Variants in ROBO1 observed in about 807,000 individuals in gnomAD.
ROBO1 encodes the protein roundabout homolog 1.
Under a neutral mutation model 195.9 loss-of-function variants are expected in ROBO1, and 149 were observed. The observed-to-expected ratio is 0.76, with a 90% CI of 0.67 to 0.87. The LOEUF (loss-of-function observed/expected upper bound fraction) is 0.87. Ranked by LOEUF, ROBO1 falls within the 40% of genes least tolerant of loss-of-function variation. The pLI, the probability that ROBO1 is intolerant of heterozygous loss-of-function variation, is 0.00. For missense variants in ROBO1, 1,933 were observed against 2,068.3 expected (o/e 0.93, Z 1.27); for synonymous variants, 816 against 733.2 (o/e 1.11, Z -1.82).
At chr3:78,824,494 G>T (rs1376203337) in intron 4 of ROBO1, among the ~76,000 whole-genome samples, 2 of 152,096 alleles carry the variant, frequency 1.3e-5, no homozygotes, top group African/African-American at 4.8e-5. Context: ...TATTTGTCAT[G>T]CTAAATGGCA....
At position 78,713,489 on chromosome 3, in the gene ROBO1, A is replaced by AT. The variant is rs563115681; in HGVS notation, c.1045+907dup. ...TACTATATATACTGTCAAAACAGGA[A>AT]TTTTTTTTCCAACCAATAAAATGTT... is the stretch of plus-strand genomic sequence containing the variant. On this transcript the variant is annotated intron_variant, in intron 8 of 30. Transcript: ENST00000464233. Among the ~76,000 whole-genome samples, 164 of 152,142 alleles carry AT rather than the reference A, an allele frequency of 1.1e-3. 1 individual carries two copies. Among genetic ancestry groups the AT allele is most frequent in the African/African-American group, 3.7e-3 (154 of 41,518 alleles).
intron 10 of ROBO1, among the ~76,000 whole-genome samples, chr3:78,675,524 T>A (rs929911690): frequency 2.0e-4 from 30 of 152,152 alleles, no homozygotes; most frequent in Non-Finnish European, 4.3e-4. Flanking sequence ...TATCCCGCAC[T>A]TGGCTCGGAG....
chr3:79,181,095 G>A (rs2108730694), intron 2 of ROBO1, among the ~76,000 whole-genome samples: 1 of 152,166 alleles, frequency 6.6e-6, no homozygotes, highest in East Asian at 1.9e-4. Flanking sequence ...GTCTCTCATA[G>A]TCTTCTCCTA....
At chr3:79,588,260 C>T (rs976415979) in intron 2 of ROBO1, among the ~76,000 whole-genome samples, 2 of 151,674 alleles carry the variant, frequency 1.3e-5, no homozygotes, top group African/African-American at 2.4e-5. Flanking sequence ...TAAAATTATG[C>T]AATATCCTTT....
intron 8 of ROBO1, among the ~76,000 whole-genome samples, chr3:78,713,449 G>A: frequency 6.6e-6 from 1 of 151,948 alleles, no homozygotes; most frequent in Admixed American, 6.6e-5. Context: ...ATGGTTTATG[G>A]CCAGAACTTC....
rs1395689937 is a variant in ROBO1, at chr3:79,225,343, A to T, written c.89-99804T>A. 2.0e-5 allele frequency among the ~76,000 whole-genome samples: 3 copies of T among 152,196 alleles called. No homozygotes were observed. The East Asian group carries it at 5.8e-4, about 29-fold the overall frequency. On this transcript the variant is annotated intron_variant, in intron 2 of 30. Transcript: ENST00000464233. Reference sequence around the variant, plus strand: ...TTAGTCTTACTTAGATGACTCTAAAAGGATGGAAAATACCAAGATTGTCTA... The same window carrying T: ...TTAGTCTTACTTAGATGACTCTAAATGGATGGAAAATACCAAGATTGTCTA...
At chr3:79,380,853 G>T (rs1338988807) in intron 2 of ROBO1, among the ~76,000 whole-genome samples, 1 of 152,080 alleles carries the variant, frequency 6.6e-6, no homozygotes, top group Non-Finnish European at 1.5e-5. Flanking sequence ...GAACCCTTAT[G>T]CTTGCTCTCT....
Position 79,177,426 on chromosome 3 carries a change from G to A in ROBO1, c.89-51887C>T, listed in dbSNP as rs2081276294. Among the ~76,000 whole-genome samples the A allele has an allele frequency of 2.0e-5, 3 of 152,108 alleles. No individual in the cohort carries two copies. The South Asian group carries it at 6.2e-4, about 32-fold the overall frequency. ...CTAGTAACCTTCTCCTCCCTACAAGGTCAAGGGGCTAGGGATATATAGGAT... is the reference window on the plus strand; with the variant it reads ...CTAGTAACCTTCTCCTCCCTACAAGATCAAGGGGCTAGGGATATATAGGAT... On this transcript the variant is annotated intron_variant, in intron 2 of 30. Transcript: ENST00000464233.
intron 2 of ROBO1, among the ~76,000 whole-genome samples, chr3:79,564,035 T>TAAA (rs35020571): frequency 0.24 from 34,839 of 147,916 alleles, 4,543 homozygotes; most frequent in African/African-American, 0.35. Flanking sequence ...ATGGTAAAAT[T>TAAA]AAAAAAAAAA....
At chr3:79,229,506 G>A (rs1217438362) in intron 2 of ROBO1, among the ~76,000 whole-genome samples, 2 of 152,106 alleles carry the variant, frequency 1.3e-5, no homozygotes, top group Admixed American at 1.3e-4. Flanking sequence ...GAGTGCAGTG[G>A]TGTGATCATA....
chr3:79,528,862 GAACA>G (rs1941539105), intron 2 of ROBO1, among the ~76,000 whole-genome samples: 1 of 152,104 alleles, frequency 6.6e-6, no homozygotes, highest in Admixed American at 6.6e-5. Flanking sequence ...ATATCATAAA[GAACA>G]AACAATTCAT....
chr3:79,297,391 T>C (rs2032649544), intron 2 of ROBO1, among the ~76,000 whole-genome samples: 1 of 152,166 alleles, frequency 6.6e-6, no homozygotes, highest in Non-Finnish European at 1.5e-5. Flanking sequence ...ATTACATAAC[T>C]GTTTGACTTT....
At chr3:78,792,639 C>T (rs17311057) in intron 4 of ROBO1, among the ~76,000 whole-genome samples, 37,779 of 152,012 alleles carry the variant, frequency 0.25, 4,850 homozygotes, top group Non-Finnish European at 0.27. Context: ...ATCCCACAGT[C>T]GCCTCACTTT....
chr3:79,207,912 A>G (rs1337172987), intron 2 of ROBO1, among the ~76,000 whole-genome samples: 1 of 152,166 alleles, frequency 6.6e-6, no homozygotes. Context: ...TGAGACATCA[A>G]GTAATTTATT....
intron 29 of ROBO1, among the ~76,000 whole-genome samples, chr3:78,602,835 G>T (rs2107248927): frequency 6.6e-6 from 1 of 152,192 alleles, no homozygotes; most frequent in East Asian, 1.9e-4. Context: ...CACTCCCTTA[G>T]ATATCTTCCT....
At chr3:79,350,873 C>T (rs2035314951) in intron 2 of ROBO1, among the ~76,000 whole-genome samples, 1 of 151,928 alleles carries the variant, frequency 6.6e-6, no homozygotes. Flanking sequence ...GGATTGAGTG[C>T]AATGGCTATT....
At chr3:79,245,199 C>CTCATTCATCTGGACAGAA (rs1449502466) in intron 2 of ROBO1, among the ~76,000 whole-genome samples, 50 of 152,238 alleles carry the variant, frequency 3.3e-4, no homozygotes, top group Middle Eastern at 3.4e-3. Flanking sequence ...TGGTTTTAAA[C>CTCATTCATCTGGACAGAA]TCATTCATCT....
intron 1 of ROBO1, among the ~76,000 whole-genome samples, chr3:79,612,537 A>G (rs1279361076): frequency 1.3e-5 from 2 of 151,718 alleles, no homozygotes; most frequent in Admixed American, 6.6e-5. Context: ...TCCTTTGGGT[A>G]TATACCCAGT....
chr3:78,951,443 T>C (rs1222671011), intron 3 of ROBO1, among the ~76,000 whole-genome samples: 5 of 152,050 alleles, frequency 3.3e-5, no homozygotes, highest in Admixed American at 6.6e-5. Context: ...TCTATCCCAA[T>C]TGGCAGAACC....
Sources: gnomAD v4.1 joint callset for allele counts (sites outside exome capture counted in the v4.1 genomes callset) on GRCh38, gnomAD v4.1.1 for gene constraint, MANE v1.5 for transcripts, NCBI Gene and HGNC (gene_info 2026-07-23, HGNC 2026-07-21) for gene names.